The following KCNQ3 variants were observed in gnomAD, a reference collection of about 807,000 sequenced individuals.
KCNQ3 encodes potassium voltage-gated channel subfamily Q member 3.
Under a neutral mutation model 92.5 loss-of-function variants are expected in KCNQ3, and 30 were observed. That is an observed-to-expected ratio of 0.32 (90% confidence interval 0.24 to 0.44). The LOEUF (loss-of-function observed/expected upper bound fraction) is 0.44, where lower values mean the gene tolerates loss of function less well. Ranked by LOEUF, KCNQ3 falls within the 20% of genes least tolerant of loss-of-function variation. KCNQ3 has a pLI of 1.00. For synonymous variants in KCNQ3, 450 were observed against 468.8 expected (o/e 0.96, Z 0.52); for missense variants, 913 against 1,140.3 (o/e 0.80, Z 2.87).
At chr8:132,132,070 A>G (rs1456210499) in intron 14 of KCNQ3, 110 bp downstream of exon 14, 1 of 777,000 alleles carries the variant, frequency 1.3e-6, no homozygotes, top group African/African-American at 1.7e-5. Flanking sequence ...CCTGGGCAAC[A>G]GAGTGAACCT....
chr8:132,444,733 T>C (rs905755824), intron 1 of KCNQ3, among the ~76,000 whole-genome samples: 1 of 152,202 alleles, frequency 6.6e-6, no homozygotes, highest in Non-Finnish European at 1.5e-5. Flanking sequence ...AGCTGCAGGA[T>C]GGCAGATTGC....
At chr8:132,438,380 C>A (rs1821450139) in intron 1 of KCNQ3, among the ~76,000 whole-genome samples, 1 of 152,002 alleles carries the variant, frequency 6.6e-6, no homozygotes, top group Admixed American at 6.5e-5. Flanking sequence ...AGGTCTCTGC[C>A]CCGATCCCAC....
intron 1 of KCNQ3, among the ~76,000 whole-genome samples, chr8:132,425,764 C>T (rs1047975608): frequency 6.6e-6 from 1 of 152,182 alleles, no homozygotes; most frequent in South Asian, 2.1e-4. Flanking sequence ...CTACTCTACT[C>T]ATTTGTATTC....
intron 1 of KCNQ3, among the ~76,000 whole-genome samples, chr8:132,450,374 G>A (rs1361304779): frequency 1.3e-5 from 2 of 152,132 alleles, no homozygotes; most frequent in Non-Finnish European, 1.5e-5. Flanking sequence ...GCCACAGAGC[G>A]CTGATTGGTG....
intron 14 of KCNQ3, among the ~76,000 whole-genome samples, chr8:132,131,078 G>A (rs1290560596): frequency 1.3e-5 from 2 of 152,080 alleles, no homozygotes; most frequent in African/African-American, 4.8e-5. Context: ...TGAATTTTAT[G>A]ACAATCCCCC....
chr8:132,347,371 A>G (rs985840044), intron 1 of KCNQ3, among the ~76,000 whole-genome samples: 2 of 152,170 alleles, frequency 1.3e-5, no homozygotes, highest in South Asian at 4.2e-4. Context: ...TGATCTTATA[A>G]CACTGCATTT....
At chr8:132,208,742 A>C (rs1813752415) in intron 1 of KCNQ3, among the ~76,000 whole-genome samples, 1 of 152,104 alleles carries the variant, frequency 6.6e-6, no homozygotes, top group Admixed American at 6.5e-5. Context: ...TAATCAATAG[A>C]CTTCTAATGG....
At chr8:132,342,552 T>C (rs549583171) in intron 1 of KCNQ3, among the ~76,000 whole-genome samples, 2 of 152,256 alleles carry the variant, frequency 1.3e-5, no homozygotes, top group South Asian at 4.1e-4. Context: ...ATTCTCCCTC[T>C]TGTGAAAAAT....
In KCNQ3 at chr8:132,130,082, T is replaced by TTG. The variant is rs1824826320; in HGVS notation, c.1885-88_1885-87dup. The TTG allele has an allele frequency of 2.2e-6, 3 of 1,351,054 alleles. No individual in the cohort carries two copies. The East Asian group carries it at 7.0e-5, about 32-fold the overall frequency. 83.7% of individuals were successfully genotyped at this position (1,351,054 alleles called of 1,614,324 possible). On this transcript the variant is annotated intron_variant, in intron 14 of 14. Transcript: ENST00000388996. Reference sequence around the variant, plus strand: ...GGTTGGGAGGAAATATTCTTTTTTTTTGTTTTTTTTTTTTTTTTGAGACGA... The same window carrying TTG: ...GGTTGGGAGGAAATATTCTTTTTTTTTGTGTTTTTTTTTTTTTTTTGAGACGA...
intron 1 of KCNQ3, among the ~76,000 whole-genome samples, chr8:132,248,334 GTA>G (rs5895135): frequency 0.68 from 97,528 of 144,044 alleles, 32,769 homozygotes; most frequent in East Asian, 0.83. Context: ...TAGTCTATAA[GTA>G]TATATATATA....
chr8:132,302,078 A>G (rs944261052), intron 1 of KCNQ3, among the ~76,000 whole-genome samples: 2 of 152,160 alleles, frequency 1.3e-5, no homozygotes, highest in African/African-American at 2.4e-5. Flanking sequence ...AATGGGTAGA[A>G]AGAGCACACC....
intron 1 of KCNQ3, among the ~76,000 whole-genome samples, chr8:132,379,933 T>C (rs1409241383): frequency 4.0e-5 from 6 of 151,792 alleles, no homozygotes; most frequent in Non-Finnish European, 8.8e-5. Context: ...AGCCTACCTA[T>C]GATTGTATGA....
chr8:132,318,195 T>C (rs776106429), intron 1 of KCNQ3, among the ~76,000 whole-genome samples: 38 of 152,250 alleles, frequency 2.5e-4, no homozygotes, highest in Non-Finnish European at 4.6e-4. Context: ...AAGGTCATGA[T>C]ATAAAGTCTC....
chr8:132,134,006 T>C (rs1824976130), intron 13 of KCNQ3, among the ~76,000 whole-genome samples: 1 of 152,188 alleles, frequency 6.6e-6, no homozygotes, highest in South Asian at 2.1e-4. Context: ...AGCTCATAAG[T>C]CTCCTCTTGT....
At chr8:132,313,308 C>G in intron 1 of KCNQ3, among the ~76,000 whole-genome samples, 1 of 152,056 alleles carries the variant, frequency 6.6e-6, no homozygotes. Flanking sequence ...GGATAGAGAA[C>G]CTGGTCTCTG....
At position 132,460,562 on chromosome 8, in the gene KCNQ3, C is replaced by T. The variant is rs141556669; in HGVS notation, c.386+19585G>A. On this transcript the variant is annotated intron_variant, in intron 1 of 14. Transcript: ENST00000388996. ...ACCCCATGGGAAACAACAGCACTTA[C>T]GTACTAGGCCTTTTGTTTTTAGTCT... Among the ~76,000 whole-genome samples the T allele has an allele frequency of 6.0e-4, 92 of 152,260 alleles. 1 individual carries two copies. The highest frequency in any genetic ancestry group is 6.8e-3 in the Middle Eastern group (2 of 294).
At chr8:132,470,615 C>T (rs1822276360) in intron 1 of KCNQ3, among the ~76,000 whole-genome samples, 1 of 152,198 alleles carries the variant, frequency 6.6e-6, no homozygotes, top group Non-Finnish European at 1.5e-5. Context: ...AATGATCAGG[C>T]TCAATAAATT....
At position 132,141,220 on chromosome 8, in the gene KCNQ3, A is replaced by G. The variant is rs1375630782; in HGVS notation, c.1374T>C (p.Ser458=). The G allele has an allele frequency of 1.9e-6, 3 of 1,614,084 alleles. No individual in the cohort carries two copies. The African/African-American group carries it at 4.0e-5, about 22-fold the overall frequency. Residue 458 remains serine, a synonymous_variant, in exon 10 of 15, where the codon TCT becomes TCC. Transcript: ENST00000388996. The part of the protein sequence containing the change: ...LNVDAIEESP[S]KEPKPVGLNN... ...TTAAGCCAACAGGCTTTGGTTCTTT[A>G]GAAGGACTTTCTTCTATGGCATCTA...
chr8:132,300,291 T>G (rs1175569283), intron 1 of KCNQ3, among the ~76,000 whole-genome samples: 8 of 152,222 alleles, frequency 5.3e-5, no homozygotes, highest in Admixed American at 5.2e-4. Context: ...CCGTTTCATG[T>G]GCAGAATGTT....
Sources: gnomAD v4.1 joint callset for allele counts (sites outside exome capture counted in the v4.1 genomes callset) on GRCh38, gnomAD v4.1.1 for gene constraint, MANE v1.5 for transcripts, NCBI Gene and HGNC (gene_info 2026-07-23, HGNC 2026-07-21) for gene names.